The following CPQ variants were observed in gnomAD, a reference collection of about 807,000 sequenced individuals.
The protein encoded by CPQ is Ser-Met dipeptidase.
Under a neutral mutation model 45.7 loss-of-function variants are expected in CPQ, and 37 were observed. The ratio of observed to expected loss-of-function variants is 0.81; its 90% CI spans 0.62 to 1.07. CPQ has a LOEUF of 1.07. CPQ is among the 50% of genes least tolerant of loss of function. The pLI, the probability that CPQ is intolerant of heterozygous loss-of-function variation, is 0.00. For synonymous variants in CPQ, 186 were observed against 205.8 expected (o/e 0.90, Z 0.82); for missense variants, 537 against 572.9 (o/e 0.94, Z 0.64).
intron 6 of CPQ, among the ~76,000 whole-genome samples, chr8:97,039,416 T>C (rs1810069929): frequency 6.6e-6 from 1 of 152,146 alleles, no homozygotes; most frequent in Admixed American, 6.5e-5. Flanking sequence ...TTTTTTATTT[T>C]TTTTAATATT....
intron 5 of CPQ, among the ~76,000 whole-genome samples, chr8:96,967,123 C>T (rs1586471476): frequency 6.6e-6 from 1 of 152,204 alleles, no homozygotes; most frequent in African/African-American, 2.4e-5. Context: ...CCTTGGCTAT[C>T]TCTTCTTTCT....
chr8:97,113,376 G>C (rs555692289), intron 7 of CPQ, among the ~76,000 whole-genome samples: 1 of 152,292 alleles, frequency 6.6e-6, no homozygotes, highest in East Asian at 1.9e-4. Context: ...ACATAAACAG[G>C]ACTTTAATGT....
In CPQ at chr8:97,120,655, T is replaced by C. The variant is rs532894210; in HGVS notation, c.1256-22365T>C. Among the ~76,000 whole-genome samples, 225 of 152,366 alleles carry C rather than the reference T, an allele frequency of 1.5e-3. 1 individual carries two copies. Among genetic ancestry groups the C allele is most frequent in the African/African-American group, 5.2e-3 (216 of 41,588 alleles). ...AATGCACTTATAATCCCCTTAGATCTTATGATGTGGCTTTGGTCAAAGTCT... is the reference window on the plus strand; with the variant it reads ...AATGCACTTATAATCCCCTTAGATCCTATGATGTGGCTTTGGTCAAAGTCT... On this transcript the variant is annotated intron_variant, in intron 7 of 7. Transcript: ENST00000220763.
chr8:96,967,420 T>C (rs780357400), intron 5 of CPQ, among the ~76,000 whole-genome samples: 1 of 152,180 alleles, frequency 6.6e-6, no homozygotes, highest in Non-Finnish European at 1.5e-5. Context: ...AGCTTCAGAG[T>C]ATTTCATTTG....
chr8:97,038,946 C>T (rs567381840), intron 6 of CPQ, among the ~76,000 whole-genome samples: 1 of 151,724 alleles, frequency 6.6e-6, no homozygotes, highest in African/African-American at 2.4e-5. Context: ...TCTTATATCA[C>T]GGTCACAGCT....
intron 5 of CPQ, among the ~76,000 whole-genome samples, chr8:97,027,376 T>G (rs1296916262): frequency 1.3e-5 from 2 of 152,178 alleles, no homozygotes; most frequent in African/African-American, 4.8e-5. Flanking sequence ...TTCTACTCTG[T>G]GAGGTGAAAG....
At chr8:96,711,734 CAT>C (rs1341014273) in intron 1 of CPQ, among the ~76,000 whole-genome samples, 1 of 152,116 alleles carries the variant, frequency 6.6e-6, no homozygotes, top group Non-Finnish European at 1.5e-5. Context: ...TCCCATGACA[CAT>C]AGGGATTATG....
At chr8:96,718,658 G>C (rs894298916) in intron 1 of CPQ, among the ~76,000 whole-genome samples, 2 of 152,186 alleles carry the variant, frequency 1.3e-5, no homozygotes, top group Non-Finnish European at 2.9e-5. Flanking sequence ...CGGGCAGCCT[G>C]CTTTTATTCT....
Position 96,750,277 on chromosome 8 carries a change from A to G in CPQ, c.-34-34587A>G, listed in dbSNP as rs1013653713. Among the ~76,000 whole-genome samples, 8 of 152,050 alleles carry G rather than the reference A, an allele frequency of 5.3e-5. No individual in the cohort carries two copies. The East Asian group carries it at 1.4e-3, about 26-fold the overall frequency. The stretch of plus-strand genomic sequence containing the variant: ...AATTATAAAGAAATAATTTTTTCAA[A>G]CTATATTTTTCAAAATATTTCAAAA... On this transcript the variant is annotated intron_variant, in intron 1 of 7. Coordinates refer to ENST00000220763, the MANE Select transcript of CPQ (RefSeq NM_016134.4).
intron 5 of CPQ, among the ~76,000 whole-genome samples, chr8:96,969,625 C>T (rs2130369255): frequency 6.6e-6 from 1 of 151,804 alleles, no homozygotes; most frequent in African/African-American, 2.4e-5. Flanking sequence ...GAGTACAGAG[C>T]TTCCAGTTCT....
chr8:97,064,110 C>T (rs940305834), intron 6 of CPQ, among the ~76,000 whole-genome samples: 1 of 152,042 alleles, frequency 6.6e-6, no homozygotes. Flanking sequence ...CAATTTTAAC[C>T]TACACAGTAC....
intron 2 of CPQ, among the ~76,000 whole-genome samples, chr8:96,808,440 T>C (rs1439612972): frequency 5.9e-5 from 9 of 152,096 alleles, no homozygotes; most frequent in African/African-American, 2.2e-4. Flanking sequence ...CTTACAGACC[T>C]CTCCTCTCAA....
chr8:96,756,643 T>A (rs1338975760), intron 1 of CPQ, among the ~76,000 whole-genome samples: 2 of 152,200 alleles, frequency 1.3e-5, no homozygotes, highest in Non-Finnish European at 1.5e-5. Context: ...TTATTCAGAC[T>A]ATTGTCATGA....
chr8:96,977,537 A>C (rs959550495), intron 5 of CPQ, among the ~76,000 whole-genome samples: 1 of 152,176 alleles, frequency 6.6e-6, no homozygotes, highest in African/African-American at 2.4e-5. Context: ...ATGCTTGCCC[A>C]CTCATGTTTA....
rs926661117 is a variant in CPQ, at chr8:96,660,635, TG to T, written c.-35+15235del. Among the ~76,000 whole-genome samples the T allele has an allele frequency of 4.6e-5, 4 of 87,090 alleles. No homozygotes were observed. The Admixed American group carries it at 4.6e-4, about 10-fold the overall frequency. 57.1% of individuals were successfully genotyped at this position (87,090 alleles called of 152,430 possible). On this transcript the variant is annotated intron_variant, in intron 1 of 7. Transcript: ENST00000220763. ...TCTGAAATGGGGCTGAGAATACATT[TG>T]GTGTGTGTGTGTGTGTGTGTGTGTG...
chr8:96,888,604 C>T (rs919301036), intron 4 of CPQ, among the ~76,000 whole-genome samples: 1 of 152,130 alleles, frequency 6.6e-6, no homozygotes, highest in African/African-American at 2.4e-5. Context: ...TGTTCGAATA[C>T]AGTTGGGAAC....
intron 5 of CPQ, among the ~76,000 whole-genome samples, chr8:97,028,946 G>A (rs1007355124): frequency 1.3e-5 from 2 of 152,154 alleles, no homozygotes; most frequent in Non-Finnish European, 2.9e-5. Flanking sequence ...ATCTAGCTAT[G>A]CTTGTATATT....
chr8:96,910,858 G>C (rs1812650793), intron 4 of CPQ, among the ~76,000 whole-genome samples: 1 of 151,958 alleles, frequency 6.6e-6, no homozygotes, highest in South Asian at 2.1e-4. Context: ...AATTCTGAAA[G>C]GTCAAGTATC....
At chr8:96,984,163 T>C (rs1015473970) in intron 5 of CPQ, among the ~76,000 whole-genome samples, 2 of 152,142 alleles carry the variant, frequency 1.3e-5, no homozygotes, top group Non-Finnish European at 2.9e-5. Flanking sequence ...CTTAATTAAA[T>C]AATATAGTAA....
Sources: allele counts gnomAD v4.1 joint callset (sites outside exome capture counted in the v4.1 genomes callset), GRCh38; gene constraint gnomAD v4.1.1; transcripts MANE v1.5; gene names NCBI Gene and HGNC (gene_info 2026-07-23, HGNC 2026-07-21).